The following OR1I1 variants were observed in gnomAD, a reference collection of about 807,000 sequenced individuals.
OR1I1 encodes olfactory receptor family 1 subfamily I member 1, also known as olfactory receptor 1I1.
For missense variants in OR1I1, 451 were observed against 443.6 expected (o/e 1.02, Z -0.15); for synonymous variants, 171 against 181.4 (o/e 0.94, Z 0.46).
rs372952340 is a variant in OR1I1 at position 15,087,456 on chromosome 19, C to T, written c.391C>T (p.Arg131Cys). Residue 131 changes from arginine (R) to cysteine (C), a missense_variant, in exon 2 of 2, where the codon CGT (arginine) becomes TGT (cysteine). Physicochemically the swap from Arg to Cys is radical, Grantham distance 180. Coordinates refer to ENST00000641398, the MANE Select transcript of OR1I1 (RefSeq NM_001004713.2). ...CTTCGTGGCCATTGTCCACCCACAG[C>T]GTTACTTGGTTCTCATGTGCTCCCC... ...DRFVAIVHPQ[R>C]YLVLMCSPVC... 5.8e-5 allele frequency: 94 copies of T among 1,613,992 alleles called. No individual in the cohort carries two copies. Among genetic ancestry groups the T allele is most frequent in the Non-Finnish European group, 7.5e-5 (89 of 1,179,992 alleles).
In OR1I1 at chr19:15,091,159, A is replaced by G. The variant is rs931860668; in HGVS notation, c.*3026A>G. 4.6e-5 allele frequency: 7 copies of G among 152,192 alleles called. No individual in the cohort carries two copies. Among genetic ancestry groups the G allele is most frequent in the Non-Finnish European group, 7.4e-5 (5 of 68,022 alleles). The allele number at this position is 152,192 out of a possible 1,614,324, so 9.4% of individuals were successfully genotyped here. A position where few individuals can be genotyped will look rare whatever the true frequency, so the allele number is the denominator to read the frequency against. ...ATCTGAACAATGCTAACTCCTTTAT[A>G]TGCACAATCTCAATAAGTGTTAAGC... On this transcript the variant is annotated 3_prime_UTR_variant, in exon 2 of 2. Coordinates refer to ENST00000641398, the MANE Select transcript of OR1I1 (RefSeq NM_001004713.2).
chr19:15,088,343 G>A lies in OR1I1; in HGVS notation c.*210G>A. ...AGAGTAGTTGAAAACAAGAGACGTA[G>A]CTACACTCATTTTAGTATTGACAAA... On this transcript the variant is annotated 3_prime_UTR_variant, in exon 2 of 2. Transcript: ENST00000641398. 1.8e-6 allele frequency: 1 copy of A among 559,730 alleles called. No homozygotes were observed. Among genetic ancestry groups the A allele is most frequent in the Non-Finnish European group, 3.1e-6 (1 of 325,218 alleles). The allele number at this position is 559,730 out of a possible 1,614,324, so 34.7% of individuals were successfully genotyped here.
At position 15,087,137 on chromosome 19, in the gene OR1I1, G is replaced by A; in HGVS notation, c.72G>A (p.Gln24=). 1 of 1,614,022 alleles carries A rather than the reference G, an allele frequency of 6.2e-7. No individual in the cohort carries two copies. The highest frequency in any genetic ancestry group is 8.5e-7 in the Non-Finnish European group (1 of 1,179,996). Residue 24 remains glutamine (Q), a synonymous_variant, in exon 2 of 2, where the codon CAG becomes CAA. Transcript: ENST00000641398. The part of the protein sequence containing the change: ...LQGLSEKPEH[Q]TLLFTMFLST... ...GACTCTCAGAAAAGCCAGAGCATCA[G>A]ACCCTCCTCTTCACAATGTTCCTCT...
intron 1 of OR1I1, among the ~76,000 whole-genome samples, chr19:15,083,982 T>C (rs1449875504): frequency 6.6e-6 from 1 of 151,954 alleles, no homozygotes; most frequent in Non-Finnish European, 1.5e-5. Flanking sequence ...AGTGAGACTC[T>C]GTCTCGAAAA....
Position 15,089,437 on chromosome 19 carries a change from T to C in OR1I1, c.*1304T>C, listed in dbSNP as rs1428682380. ...TCATCGCCTGACTCTGAACCCAGTA[T>C]GATTCTACACGCAGGGTCAGCCACA... is the stretch of plus-strand genomic sequence containing the variant. On this transcript the variant is annotated 3_prime_UTR_variant, in exon 2 of 2. Transcript: ENST00000641398. 1 of 152,084 alleles carries C rather than the reference T, an allele frequency of 6.6e-6. No homozygotes were observed. Among genetic ancestry groups the C allele is most frequent in the Non-Finnish European group, 1.5e-5 (1 of 68,008 alleles). 9.4% of individuals were successfully genotyped at this position (152,084 alleles called of 1,614,324 possible). A position where few individuals can be genotyped will look rare whatever the true frequency, so the allele number is the denominator to read the frequency against.
In OR1I1 at chr19:15,087,435, G is replaced by A. The variant is rs774401032; in HGVS notation, c.370G>A (p.Val124Met). The A allele has an allele frequency of 1.9e-5, 31 of 1,613,848 alleles. No homozygotes were observed. The highest frequency in any genetic ancestry group is 3.3e-5 in the South Asian group (3 of 91,080). ...LLAVMAIDRFVAIVHPQRYLV... is the reference protein window; with the variant it reads ...LLAVMAIDRFMAIVHPQRYLV... ...GGCAGTAATGGCCATCGACCGCTTC[G>A]TGGCCATTGTCCACCCACAGCGTTA... Residue 124 changes from valine to methionine, a missense_variant, in exon 2 of 2, where the codon GTG (valine) becomes ATG (methionine). Transcript: ENST00000641398.
Position 15,087,530 on chromosome 19 carries a change from G to C in OR1I1, c.465G>C (p.Gln155His). 6.2e-7 allele frequency: 1 copy of C among 1,614,142 alleles called. No homozygotes were observed. ...CATCATGGATGATCACCAACCTCCA[G>C]TCTCTCATACACACCTGCCTCATGG... Reference protein sequence around the residue: ...LGASWMITNLQSLIHTCLMAQ... With the variant: ...LGASWMITNLHSLIHTCLMAQ... Residue 155 changes from glutamine to histidine, a missense_variant, in exon 2 of 2, where the codon CAG becomes CAC. Gln to His is a conservative substitution (Grantham distance 24). Coordinates refer to ENST00000641398, the MANE Select transcript of OR1I1 (RefSeq NM_001004713.2).
At position 15,090,335 on chromosome 19, in the gene OR1I1, G is replaced by A. The variant is rs746766947; in HGVS notation, c.*2202G>A. Reference sequence around the variant, plus strand: ...CCTGCCTCAGCCTCCCAAGTAGCTGGGATTACAGGCACCCACCACCACGCC... The same window carrying A: ...CCTGCCTCAGCCTCCCAAGTAGCTGAGATTACAGGCACCCACCACCACGCC... On this transcript the variant is annotated 3_prime_UTR_variant, in exon 2 of 2. Coordinates refer to ENST00000641398, the MANE Select transcript of OR1I1 (RefSeq NM_001004713.2). 6.6e-6 allele frequency: 1 copy of A among 151,502 alleles called. No homozygotes were observed. The highest frequency in any genetic ancestry group is 1.5e-5 in the Non-Finnish European group (1 of 68,046). The allele number at this position is 151,502 out of a possible 1,614,324, so 9.4% of individuals were successfully genotyped here.
rs1316830008 is a variant in OR1I1 at position 15,087,927 on chromosome 19, T to C, written c.862T>C (p.Phe288Leu). ...CGVFIPMLNP[F>L]IYSIRNKDMK... is the part of the protein sequence containing the mutation. ...GGTGTTCATCCCCATGCTCAACCCC[T>C]TTATCTACAGCATACGGAACAAGGA... Residue 288 changes from phenylalanine to leucine, a missense_variant, in exon 2 of 2, where the codon TTT becomes CTT. Physicochemically the swap from Phe to Leu is conservative, Grantham distance 22. Transcript: ENST00000641398. The C allele has an allele frequency of 6.2e-7, 1 of 1,614,004 alleles. No individual in the cohort carries two copies.
chr19:15,087,338 C>G lies in OR1I1; in HGVS notation c.273C>G (p.Ala91=), dbSNP rs775277453. 1.4e-5 allele frequency: 23 copies of G among 1,614,224 alleles called. No homozygotes were observed. Among genetic ancestry groups the G allele is most frequent in the Middle Eastern group, 1.6e-4 (1 of 6,062 alleles). The change falls in exon 2 of 2, where the codon GCC becomes GCG. Residue 91 remains alanine (A), a synonymous_variant. Transcript: ENST00000641398. ...CGAACATCCAGGCTCAGAGCAGAGC[C>G]ATCCCCTTTGTGGGCTGCCTCACCC... ...MLANIQAQSR[A]IPFVGCLTQM...
intron 1 of OR1I1, among the ~76,000 whole-genome samples, chr19:15,085,129 CTTATATATAT>C (rs1410216887): frequency 1.5e-5 from 1 of 64,852 alleles, no homozygotes; most frequent in African/African-American, 4.4e-5. Flanking sequence ...GCATTTTTGA[CTTATATATAT>C]ATATATATAT....
chr19:15,087,606 C>T lies in OR1I1; in HGVS notation c.541C>T (p.Leu181Phe). The change falls in exon 2 of 2, where the codon CTC (leucine) becomes TTC (phenylalanine). Residue 181 changes from leucine (L) to phenylalanine (F), a missense_variant. Transcript: ENST00000641398. Reference protein sequence around the residue: ...GSEISHFFCDLMPLLKLSGSD... With the variant: ...GSEISHFFCDFMPLLKLSGSD... ...TGAAATCTCCCACTTCTTCTGTGAC[C>T]TCATGCCCCTGCTGAAGCTCTCCGG... is the stretch of plus-strand genomic sequence containing the variant. The T allele has an allele frequency of 6.2e-7, 1 of 1,614,086 alleles. No individual in the cohort carries two copies. Among genetic ancestry groups the T allele is most frequent in the Non-Finnish European group, 8.5e-7 (1 of 1,180,046 alleles).
At chr19:15,086,068 A>C (rs2046229005) in intron 1 of OR1I1, among the ~76,000 whole-genome samples, 1 of 152,062 alleles carries the variant, frequency 6.6e-6, no homozygotes, top group Admixed American at 6.6e-5. Flanking sequence ...TAATCCCAGC[A>C]CCTTGGGAGT....
intron 1 of OR1I1, among the ~76,000 whole-genome samples, chr19:15,085,149 TATATATATATATATATATATATATATA>T (rs2046223861): frequency 1.4e-4 from 5 of 34,542 alleles, no homozygotes; most frequent in African/African-American, 5.3e-4. Flanking sequence ...TATATATATA[TATATATATATATATATATATATATATA>T]TTTTTTTTTT....
Position 15,092,395 on chromosome 19 carries a change from A to AG in OR1I1, c.*4267dup, listed in dbSNP as rs1568323870. 1 of 152,096 alleles carries AG rather than the reference A, an allele frequency of 6.6e-6. No individual in the cohort carries two copies. The highest frequency in any genetic ancestry group is 1.5e-5 in the Non-Finnish European group (1 of 68,068). The allele number at this position is 152,096 out of a possible 1,614,324, so 9.4% of individuals were successfully genotyped here. A position where few individuals can be genotyped will look rare whatever the true frequency, so the allele number is the denominator to read the frequency against. ...GACCATGACAAGGTTTAAGGAGGAT[A>AG]GGGGGTGGGGCTGTGCTTCAGAACG... is the stretch of plus-strand genomic sequence containing the variant. On this transcript the variant is annotated 3_prime_UTR_variant, in exon 2 of 2. Coordinates refer to ENST00000641398, the MANE Select transcript of OR1I1 (RefSeq NM_001004713.2).
chr19:15,086,362 A>G (rs2046230139), intron 1 of OR1I1, among the ~76,000 whole-genome samples: 1 of 152,138 alleles, frequency 6.6e-6, no homozygotes, highest in Non-Finnish European at 1.5e-5. Context: ...CAGGAAAGGA[A>G]GAGAAGGAAA....
rs58540570 is a variant in OR1I1, at chr19:15,088,773, GTAGATAGATAGATAGATAGATAGA to G, written c.*667_*690del. On this transcript the variant is annotated 3_prime_UTR_variant, in exon 2 of 2. Transcript: ENST00000641398. ...TAGATAGGGTGGATAGATAAGATAT[GTAGATAGATAGATAGATAGATAGA>G]TAGATAGATAGATAGATAGATAGAT... 0.16 allele frequency: 23,507 copies of G among 147,028 alleles called. 2,037 individuals are homozygous for G. The highest frequency in any genetic ancestry group is 0.28 in the South Asian group (1,285 of 4,552). 9.1% of individuals were successfully genotyped at this position (147,028 alleles called of 1,614,324 possible).
intron 1 of OR1I1, among the ~76,000 whole-genome samples, chr19:15,086,515 A>G (rs2046230653): frequency 1.3e-5 from 2 of 151,644 alleles, no homozygotes; most frequent in African/African-American, 4.8e-5. Context: ...GAGCCGTGGC[A>G]CAATCTCTGC....
In OR1I1 at chr19:15,090,663, A is replaced by G. The variant is rs1031813418; in HGVS notation, c.*2530A>G. The G allele has an allele frequency of 1.3e-5, 2 of 152,008 alleles. No individual in the cohort carries two copies. The highest frequency in any genetic ancestry group is 3.4e-3 in the Middle Eastern group (1 of 294). The allele number at this position is 152,008 out of a possible 1,614,324, so 9.4% of individuals were successfully genotyped here. On this transcript the variant is annotated 3_prime_UTR_variant, in exon 2 of 2. Transcript: ENST00000641398. ...GGAGTACAGTGGTGCAATCATAGCT[A>G]AAGTGCAACCTCACCTCAAACTCCT...
Sources: allele counts gnomAD v4.1 joint callset (sites outside exome capture counted in the v4.1 genomes callset), GRCh38; gene constraint gnomAD v4.1.1; transcripts MANE v1.5; gene names NCBI Gene and HGNC (gene_info 2026-07-23, HGNC 2026-07-21).